The following SLC16A7 variants were observed in gnomAD, a reference collection of about 807,000 sequenced individuals.
SLC16A7 encodes the protein solute carrier family 16 member 7, also known as monocarboxylate transporter 2.
In SLC16A7, 33 loss-of-function variants were observed where a neutral mutation model predicts 34.9. The ratio of observed to expected loss-of-function variants is 0.94; its 90% CI spans 0.72 to 1.26. The LOEUF is 1.26. Ranked by LOEUF, SLC16A7 falls within the 50% of genes most tolerant of loss-of-function variation. The probability of loss-of-function intolerance (pLI) is 0.00; values close to 1 mark genes in which losing one functional copy is unlikely to be tolerated. For missense variants in SLC16A7, 573 were observed against 578.1 expected, an observed-to-expected ratio of 0.99 and a Z score of 0.09; for synonymous variants, 201 against 206.6, an observed-to-expected ratio of 0.97 and a Z score of 0.23.
chr12:59,752,899 C>T (rs1356116695), intron 3 of SLC16A7, among the ~76,000 whole-genome samples: 2 of 152,282 alleles, frequency 1.3e-5, no homozygotes, highest in East Asian at 3.9e-4. Context: ...AGACTAACAG[C>T]GGATCTCTCG....
chr12:59,777,247 C>T (rs1882849820), intron 5 of SLC16A7, among the ~76,000 whole-genome samples: 1 of 152,208 alleles, frequency 6.6e-6, no homozygotes, highest in South Asian at 2.1e-4. Context: ...TTGAAACTCT[C>T]AGACTGTAGC....
chr12:59,629,783 C>T (rs1880097576), intron 1 of SLC16A7, among the ~76,000 whole-genome samples: 1 of 151,630 alleles, frequency 6.6e-6, no homozygotes, highest in Admixed American at 6.6e-5. Flanking sequence ...TTTAGCCTGT[C>T]CTTGAAGAAG....
In SLC16A7 at chr12:59,679,429, C is replaced by G. The variant is rs138709500; in HGVS notation, c.-31+24179C>G. 5.2e-3 allele frequency among the ~76,000 whole-genome samples: 795 copies of G among 152,298 alleles called. 5 individuals are homozygous for G. The highest frequency in any genetic ancestry group is 0.018 in the African/African-American group (760 of 41,560). On this transcript the variant is annotated intron_variant, in intron 2 of 5. Transcript: ENST00000547379. The stretch of plus-strand genomic sequence containing the variant: ...GCATTTTTTGTTACCTATTACTACT[C>G]CCAATTTCACCCTACCTGAACTTAT...
intron 3 of SLC16A7, among the ~76,000 whole-genome samples, chr12:59,729,654 T>G (rs953736979): frequency 6.6e-6 from 1 of 152,198 alleles, no homozygotes; most frequent in Non-Finnish European, 1.5e-5. Context: ...TTTGTGGTTC[T>G]TAAAAAGATT....
intron 1 of SLC16A7, among the ~76,000 whole-genome samples, chr12:59,610,536 T>C (rs1375896357): frequency 2.0e-5 from 3 of 152,234 alleles, no homozygotes; most frequent in East Asian, 1.9e-4. Flanking sequence ...GCTCCAATTA[T>C]ACTTTAATGA....
At chr12:59,637,789 G>T (rs1340030105) in intron 1 of SLC16A7, among the ~76,000 whole-genome samples, 1 of 152,072 alleles carries the variant, frequency 6.6e-6, no homozygotes, top group Non-Finnish European at 1.5e-5. Flanking sequence ...GAGGTGATTA[G>T]GTCATAAGGG....
chr12:59,756,892 G>A (rs1027898661), intron 3 of SLC16A7, among the ~76,000 whole-genome samples: 1 of 130,136 alleles, frequency 7.7e-6, no homozygotes, highest in East Asian at 2.0e-4. Flanking sequence ...TTCAGAAAAT[G>A]TGGCACATAT....
chr12:59,679,468 C>T (rs1341193327), intron 2 of SLC16A7, among the ~76,000 whole-genome samples: 2 of 152,182 alleles, frequency 1.3e-5, no homozygotes, highest in Admixed American at 1.3e-4. Context: ...AAGAGTTAAT[C>T]TCATTCTTCA....
intron 2 of SLC16A7, chr12:59,664,890 T>TC (rs1869066752): frequency 6.6e-6 from 1 of 152,172 alleles, no homozygotes; most frequent in Non-Finnish European, 1.5e-5. Context: ...TTGCCTCTCT[T>TC]CTTAGCCCTG....
chr12:59,658,932 T>C lies in SLC16A7; in HGVS notation c.-31+3682T>C, dbSNP rs183644306. Among the ~76,000 whole-genome samples the C allele has an allele frequency of 4.6e-5, 7 of 152,198 alleles. No individual in the cohort carries two copies. The East Asian group carries it at 1.4e-3, about 29-fold the overall frequency. ...AAATTTGCTAATGTGTCTATAAAAA[T>C]ATGGTTAAAATGAGTATAATGATTT... On this transcript the variant is annotated intron_variant, in intron 2 of 5. Transcript: ENST00000547379.
Position 59,786,673 on chromosome 12 carries a change from T to C in SLC16A7, c.*6994T>C, listed in dbSNP as rs1055400863. On this transcript the variant is annotated 3_prime_UTR_variant, in exon 6 of 6. Transcript: ENST00000547379. ...TCATCCTCTCAACCCTCAGTTTTGA[T>C]AGGTATCCACATTTTTACCATATAA... is the stretch of plus-strand genomic sequence containing the variant. 7 of 152,134 alleles carry C rather than the reference T, an allele frequency of 4.6e-5. No individual in the cohort carries two copies. Among genetic ancestry groups the C allele is most frequent in the Non-Finnish European group, 8.8e-5 (6 of 67,988 alleles). 9.4% of individuals were successfully genotyped at this position (152,134 alleles called of 1,614,324 possible).
intron 1 of SLC16A7, among the ~76,000 whole-genome samples, chr12:59,641,075 A>G (rs1180344899): frequency 2.0e-5 from 3 of 152,112 alleles, no homozygotes; most frequent in African/African-American, 4.8e-5. Flanking sequence ...AGCTTTATCT[A>G]TAAATTGGAG....
At chr12:59,745,404 T>C (rs1034519082) in intron 3 of SLC16A7, among the ~76,000 whole-genome samples, 3 of 152,134 alleles carry the variant, frequency 2.0e-5, no homozygotes, top group African/African-American at 4.8e-5. Flanking sequence ...ACTACAATGA[T>C]GATAATGACA....
chr12:59,779,376 A>G (rs772099641), intron 5 of SLC16A7, 47 bp from the exon 6 acceptor site: 3 of 1,388,500 alleles, frequency 2.2e-6, no homozygotes, highest in Admixed American at 2.2e-5. Context: ...TTATCATTAT[A>G]TGACTGTTTT....
intron 3 of SLC16A7, among the ~76,000 whole-genome samples, chr12:59,711,315 T>A (rs1413289485): frequency 6.6e-6 from 1 of 152,238 alleles, no homozygotes; most frequent in African/African-American, 2.4e-5. Flanking sequence ...GATTAATATG[T>A]TATGTTTCAA....
chr12:59,626,820 A>G (rs894750017), intron 1 of SLC16A7, among the ~76,000 whole-genome samples: 8 of 151,802 alleles, frequency 5.3e-5, no homozygotes, highest in Non-Finnish European at 8.8e-5. Context: ...GTAAAAACAT[A>G]TAGATTGTGA....
intron 1 of SLC16A7, among the ~76,000 whole-genome samples, chr12:59,602,179 A>C (rs2136956053): frequency 6.6e-6 from 1 of 152,284 alleles, no homozygotes; most frequent in African/African-American, 2.4e-5. Flanking sequence ...AAAGGATGAA[A>C]ATAATACTCT....
intron 3 of SLC16A7, among the ~76,000 whole-genome samples, chr12:59,706,473 G>C (rs910901486): frequency 4.0e-5 from 6 of 151,872 alleles, no homozygotes; most frequent in Non-Finnish European, 8.8e-5. Flanking sequence ...TTATTCATTT[G>C]GTTAGGTTAA....
chr12:59,657,531 C>T (rs767924858), intron 2 of SLC16A7, among the ~76,000 whole-genome samples: 1 of 151,816 alleles, frequency 6.6e-6, no homozygotes, highest in Non-Finnish European at 1.5e-5. Flanking sequence ...GTCTGAATGG[C>T]GTTTTCAAAG....
Sources: gnomAD v4.1 joint callset for allele counts (sites outside exome capture counted in the v4.1 genomes callset) on GRCh38, gnomAD v4.1.1 for gene constraint, MANE v1.5 for transcripts, NCBI Gene and HGNC (gene_info 2026-07-23, HGNC 2026-07-21) for gene names.